Variants in IQCJ observed in about 807,000 individuals in gnomAD.
IQCJ encodes the protein IQ motif containing J, also known as IQ domain-containing protein J.
In IQCJ, 9 loss-of-function variants were observed where a neutral mutation model predicts 11.0. The observed-to-expected ratio is 0.82, with a 90% confidence interval of 0.49 to 1.43. The LOEUF is 1.43. Among genes scored for constraint, IQCJ ranks in the 40% most tolerant of loss-of-function variants. IQCJ has a pLI of 0.00. For synonymous variants in IQCJ, 55 were observed against 51.3 expected (o/e 1.07, Z -0.31); for missense variants, 146 against 133.2 (o/e 1.10, Z -0.47).
At chr3:159,196,425 CT>C (rs940545580) in intron 1 of IQCJ, among the ~76,000 whole-genome samples, 2 of 152,152 alleles carry the variant, frequency 1.3e-5, no homozygotes, top group African/African-American at 4.8e-5. Context: ...GCCTGGGTAC[CT>C]TTTAAAACTC....
At chr3:159,076,262 G>C (rs1432357066) in intron 1 of IQCJ, among the ~76,000 whole-genome samples, 1 of 151,916 alleles carries the variant, frequency 6.6e-6, no homozygotes, top group Non-Finnish European at 1.5e-5. Flanking sequence ...CTTTAATTCT[G>C]CCTTCAATTT....
chr3:159,093,491 C>T (rs1192914742), intron 1 of IQCJ, among the ~76,000 whole-genome samples: 1 of 151,774 alleles, frequency 6.6e-6, no homozygotes, highest in East Asian at 1.9e-4. Context: ...TGAGTGATGA[C>T]CTCAGTTAGC....
chr3:159,134,261 A>G (rs995493981), intron 1 of IQCJ, among the ~76,000 whole-genome samples: 2 of 152,118 alleles, frequency 1.3e-5, no homozygotes, highest in African/African-American at 4.8e-5. Context: ...GGAGTCTAAT[A>G]TACTAAAACA....
intron 1 of IQCJ, among the ~76,000 whole-genome samples, chr3:159,091,673 T>TGCGCGC (rs1717315003): frequency 0.016 from 172 of 11,022 alleles, 6 homozygotes; most frequent in African/African-American, 0.027. Flanking sequence ...CACACACGCA[T>TGCGCGC]GCACACACAC....
chr3:159,072,317 C>G (rs1362458908), intron 1 of IQCJ, among the ~76,000 whole-genome samples: 2 of 151,790 alleles, frequency 1.3e-5, no homozygotes, highest in African/African-American at 4.8e-5. Flanking sequence ...GAGTTCTCAA[C>G]CAAGCGGGGG....
At chr3:159,215,811 AT>A (rs1175040376) in intron 1 of IQCJ, among the ~76,000 whole-genome samples, 7 of 151,916 alleles carry the variant, frequency 4.6e-5, no homozygotes, top group African/African-American at 1.7e-4. Flanking sequence ...ACAATGCATT[AT>A]TTTTTTAGTG....
At chr3:159,255,555 C>T (rs1727850780) in intron 3 of IQCJ, among the ~76,000 whole-genome samples, 1 of 151,890 alleles carries the variant, frequency 6.6e-6, no homozygotes, top group Admixed American at 6.6e-5. Context: ...TGTGGCAATG[C>T]AAAGTATCAG....
chr3:159,084,837 G>A (rs538596455), intron 1 of IQCJ, among the ~76,000 whole-genome samples: 1 of 152,052 alleles, frequency 6.6e-6, no homozygotes, highest in South Asian at 2.1e-4. Flanking sequence ...GTCTTGATGG[G>A]GATTTACTCT....
chr3:159,234,994 A>AC (rs1157820572), intron 1 of IQCJ, among the ~76,000 whole-genome samples: 1 of 152,130 alleles, frequency 6.6e-6, no homozygotes, highest in African/African-American at 2.4e-5. Context: ...GATTGCCTGC[A>AC]CTTTTTTTTT....
chr3:159,144,725 T>C (rs1046595117), intron 1 of IQCJ, among the ~76,000 whole-genome samples: 1 of 151,780 alleles, frequency 6.6e-6, no homozygotes, highest in African/African-American at 2.4e-5. Flanking sequence ...TTGTGTAACA[T>C]AGAGAGTTGT....
intron 1 of IQCJ, among the ~76,000 whole-genome samples, chr3:159,079,259 T>G (rs1716149608): frequency 1.3e-5 from 2 of 152,122 alleles, no homozygotes; most frequent in African/African-American, 2.4e-5. Context: ...CTTTCCAGTT[T>G]ATGATCAACA....
chr3:159,141,104 G>A (rs1338331347), intron 1 of IQCJ, among the ~76,000 whole-genome samples: 1 of 152,184 alleles, frequency 6.6e-6, no homozygotes. Context: ...AGGAACAACT[G>A]TTTCCCAAGA....
At chr3:159,193,818 T>A (rs1414468762) in intron 1 of IQCJ, among the ~76,000 whole-genome samples, 2 of 152,156 alleles carry the variant, frequency 1.3e-5, no homozygotes, top group Non-Finnish European at 2.9e-5. Flanking sequence ...AGCAGTGAAA[T>A]CTAGATAAGA....
chr3:159,229,622 T>C (rs578090939), intron 1 of IQCJ, among the ~76,000 whole-genome samples: 43 of 150,170 alleles, frequency 2.9e-4, no homozygotes, highest in African/African-American at 9.1e-4. Flanking sequence ...GTGGCCCTTT[T>C]TTTCATGTTC....
At chr3:159,103,637 A>G (rs1718067734) in intron 1 of IQCJ, among the ~76,000 whole-genome samples, 1 of 152,248 alleles carries the variant, frequency 6.6e-6, no homozygotes, top group African/African-American at 2.4e-5. Flanking sequence ...TAAGTCTAAA[A>G]TTCCATAATG....
chr3:159,190,619 A>G (rs1200653129), intron 1 of IQCJ, among the ~76,000 whole-genome samples: 1 of 152,192 alleles, frequency 6.6e-6, no homozygotes, highest in Admixed American at 6.5e-5. Flanking sequence ...TGAGGTACAT[A>G]CTTGGATGAA....
In IQCJ at chr3:159,107,241, CA is replaced by C. The variant is rs144700367; in HGVS notation, c.9+37801del. Among the ~76,000 whole-genome samples the C allele has an allele frequency of 4.9e-3, 742 of 152,210 alleles. 10 individuals carry two copies. Among genetic ancestry groups the C allele is most frequent in the African/African-American group, 0.017 (708 of 41,530 alleles). ...CAGAAAAGTGATTAAATGGTAAGGG[CA>C]GGGCCCTTATGAATAGGCTTAGTGA... is the stretch of plus-strand genomic sequence containing the variant. On this transcript the variant is annotated intron_variant, in intron 1 of 3. Transcript: ENST00000397832.
chr3:159,154,028 A>C (rs778133091), intron 1 of IQCJ, among the ~76,000 whole-genome samples: 5 of 152,208 alleles, frequency 3.3e-5, no homozygotes, highest in Non-Finnish European at 5.9e-5. Context: ...TGAATTAGCC[A>C]TAATAAATCC....
chr3:159,149,077 A>C (rs1262091490), intron 1 of IQCJ, among the ~76,000 whole-genome samples: 1 of 152,204 alleles, frequency 6.6e-6, no homozygotes, highest in East Asian at 1.9e-4. Flanking sequence ...TAAACAAATG[A>C]CTAATTTGCT....
Sources: allele counts gnomAD v4.1 joint callset (sites outside exome capture counted in the v4.1 genomes callset), GRCh38; gene constraint gnomAD v4.1.1; transcripts MANE v1.5; gene names NCBI Gene and HGNC (gene_info 2026-07-23, HGNC 2026-07-21).